Variants in LTBP1 observed in about 807,000 individuals in gnomAD.
LTBP1 encodes the protein latent transforming growth factor beta binding protein 1.
A neutral mutation model predicts 207.6 loss-of-function variants in LTBP1; 129 were observed. That is an observed-to-expected ratio of 0.62 (90% confidence interval 0.54 to 0.72). The LOEUF is 0.72. LTBP1 is among the 30% of genes least tolerant of loss of function. The probability of loss-of-function intolerance (pLI) is 0.00; values close to 1 mark genes in which losing one functional copy is unlikely to be tolerated. For synonymous variants in LTBP1, 963 were observed against 833.7 expected (o/e 1.16, Z -2.67); for missense variants, 2,281 against 2,217.2 (o/e 1.03, Z -0.58).
intron 11 of LTBP1, among the ~76,000 whole-genome samples, chr2:33,253,046 T>G (rs1311297528): frequency 6.6e-6 from 1 of 152,200 alleles, no homozygotes; most frequent in Non-Finnish European, 1.5e-5. Flanking sequence ...TTTTCCCATT[T>G]CTATGTGATA....
intron 18 of LTBP1, among the ~76,000 whole-genome samples, chr2:33,277,016 C>G (rs184321287): frequency 6.6e-5 from 10 of 152,254 alleles, no homozygotes; most frequent in African/African-American, 2.4e-4. Flanking sequence ...CCTTGGGGTT[C>G]CCTGCCTGGC....
rs116603736 is a variant in LTBP1, at chr2:33,123,294, T to A, written c.1034-11499T>A. Among the ~76,000 whole-genome samples the A allele has an allele frequency of 8.1e-3, 1,234 of 152,312 alleles. 12 individuals are homozygous for A. Among genetic ancestry groups the A allele is most frequent in the East Asian group, 0.014 (73 of 5,186 alleles). ...CAGGTCTGGGGGATTCTTGCCCACA[T>A]GGAATGGAGAATGTTCACCTTCAGT... On this transcript the variant is annotated intron_variant, in intron 4 of 33. Coordinates refer to ENST00000404816, the MANE Select transcript of LTBP1 (RefSeq NM_206943.4).
rs539725645 is a variant in LTBP1, at chr2:33,033,928, G to A, written c.863+12722G>A. 7.2e-5 allele frequency among the ~76,000 whole-genome samples: 11 copies of A among 152,208 alleles called. No individual in the cohort carries two copies. In the South Asian group the frequency reaches 1.9e-3, roughly 26 times the overall value. ...ATTTCAAAGCGCCTCAGGAGTTATC[G>A]ATGTGATGTGATGAGACTGTTTGCC... On this transcript the variant is annotated intron_variant, in intron 3 of 33. Transcript: ENST00000404816.
chr2:33,130,890 A>G (rs1380164032), intron 4 of LTBP1, among the ~76,000 whole-genome samples: 1 of 152,080 alleles, frequency 6.6e-6, no homozygotes, highest in Non-Finnish European at 1.5e-5. Context: ...GGATCTAAAA[A>G]TTGCATTTTT....
At position 33,399,476 on chromosome 2, in the gene LTBP1, T is replaced by A. The variant is rs916038535; in HGVS notation, c.*931T>A. 6.6e-6 allele frequency: 1 copy of A among 152,248 alleles called. No homozygotes were observed. The highest frequency in any genetic ancestry group is 1.5e-5 in the Non-Finnish European group (1 of 68,046). The allele number at this position is 152,248 out of a possible 1,614,324, so 9.4% of individuals were successfully genotyped here. Reference sequence around the variant, plus strand: ...TAATGTAGTGTCTTTTACAAGTTAATCATTAAATTTGTTAGATCTTGTTAT... The same window carrying A: ...TAATGTAGTGTCTTTTACAAGTTAAACATTAAATTTGTTAGATCTTGTTAT... On this transcript the variant is annotated 3_prime_UTR_variant, in exon 34 of 34. Transcript: ENST00000404816.
At chr2:33,189,036 A>G (rs1392848504) in intron 7 of LTBP1, among the ~76,000 whole-genome samples, 185 bp downstream of exon 7, 1 of 152,198 alleles carries the variant, frequency 6.6e-6, no homozygotes, top group Admixed American at 6.5e-5. Context: ...TCATTTACAT[A>G]CTGTCTATGC....
intron 2 of LTBP1, among the ~76,000 whole-genome samples, chr2:32,979,006 G>A (rs1287047698): frequency 2.6e-5 from 4 of 151,812 alleles, no homozygotes; most frequent in South Asian, 4.1e-4. Context: ...GCTCATACTA[G>A]CCTCTAATCC....
rs781694624 is a variant in LTBP1 at position 33,363,450 on chromosome 2, C to G, written c.4331C>G (p.Thr1444Ser). 4.3e-6 allele frequency: 7 copies of G among 1,613,920 alleles called. No individual in the cohort carries two copies. Among genetic ancestry groups the G allele is most frequent in the Non-Finnish European group, 5.9e-6 (7 of 1,179,842 alleles). ...EICKNGFCLN[T>S]RPGYECYCKQ... is the part of the protein sequence containing the mutation. ...TGCAAAAATGGTTTCTGTTTGAACA[C>G]TCGGCCTGGGTATGAATGCTACTGT... The change falls in exon 29 of 34, where the codon ACT (threonine) becomes AGT (serine). Residue 1444 changes from threonine (T) to serine (S), a missense_variant. Physicochemically the swap from Thr to Ser is moderately conservative, Grantham distance 58 (BLOSUM62 1). This residue lies in a region of LTBP1 where 1,671 missense variants were observed against 1,634.8 expected (regional missense o/e 1.02). Transcript: ENST00000404816.
chr2:33,379,607 G>T (rs191343437), intron 31 of LTBP1, among the ~76,000 whole-genome samples: 6 of 152,298 alleles, frequency 3.9e-5, no homozygotes, highest in Admixed American at 3.9e-4. Flanking sequence ...ATCTGATAGT[G>T]AACAGATCCA....
intron 2 of LTBP1, among the ~76,000 whole-genome samples, chr2:33,003,581 A>G (rs1338430584): frequency 6.6e-6 from 1 of 152,204 alleles, no homozygotes; most frequent in East Asian, 1.9e-4. Context: ...CATGAGGAGT[A>G]ACTGCAGGAA....
rs2087497670 is a variant in LTBP1 at position 33,188,768 on chromosome 2, C to T, written c.1618C>T (p.His540Tyr). The T allele has an allele frequency of 6.2e-7, 1 of 1,614,172 alleles. No individual in the cohort carries two copies. Among genetic ancestry groups the T allele is most frequent in the Non-Finnish European group, 8.5e-7 (1 of 1,180,030 alleles). ...KTQTIHSTYS[H>Y]QQVIPHVYPV... is the part of the protein sequence containing the mutation. Reference sequence around the variant, plus strand: ...CCAGACCATACATTCCACATACTCCCACCAGCAGGTCATTCCTCACGTCTA... The same window carrying T: ...CCAGACCATACATTCCACATACTCCTACCAGCAGGTCATTCCTCACGTCTA... The change falls in exon 7 of 34, where the codon CAC becomes TAC. Residue 540 changes from histidine to tyrosine, a missense_variant. His to Tyr is a moderately conservative substitution (Grantham distance 83). Transcript: ENST00000404816.
At chr2:33,286,627 T>C (rs1166592406) in intron 19 of LTBP1, among the ~76,000 whole-genome samples, 2 of 152,242 alleles carry the variant, frequency 1.3e-5, no homozygotes, top group African/African-American at 4.8e-5. Flanking sequence ...TATTGAGCTG[T>C]TGTCTGTGTA....
chr2:33,240,453 C>T (rs1055457512), intron 9 of LTBP1, among the ~76,000 whole-genome samples: 2 of 152,130 alleles, frequency 1.3e-5, no homozygotes, highest in African/African-American at 4.8e-5. Context: ...CTCTGACATC[C>T]TTTACTTTAA....
intron 32 of LTBP1, among the ~76,000 whole-genome samples, chr2:33,389,733 G>A (rs1436553140): frequency 3.9e-5 from 6 of 152,106 alleles, no homozygotes; most frequent in Admixed American, 2.6e-4. Flanking sequence ...TCCACCTCCC[G>A]GATTCAAGCG....
At position 33,021,200 on chromosome 2, in the gene LTBP1, A is replaced by C; in HGVS notation, c.857A>C (p.His286Pro). 6.3e-7 allele frequency: 1 copy of C among 1,587,512 alleles called. No individual in the cohort carries two copies. The highest frequency in any genetic ancestry group is 1.1e-5 in the South Asian group (1 of 87,076). Residue 286 changes from histidine (H) to proline (P), a missense_variant, in exon 3 of 34, where the codon CAT (histidine) becomes CCT (proline). By Grantham distance (77) the His-to-Pro change is moderately conservative. Transcript: ENST00000404816. The part of the protein sequence containing the change: ...KPSVGLPQQI[H>P]SQVTPLSSQS... ...TCAGTGGGACTCCCCCAGCAGATAC[A>C]TTCTCAGTGAGTGTTTCGAACTTTC...
At chr2:33,171,016 A>G (rs2085388701) in intron 5 of LTBP1, among the ~76,000 whole-genome samples, 1 of 150,496 alleles carries the variant, frequency 6.6e-6, no homozygotes, top group Non-Finnish European at 1.5e-5. Flanking sequence ...TCTGTACATC[A>G]CCATCATCAA....
intron 26 of LTBP1, among the ~76,000 whole-genome samples, chr2:33,351,503 A>G (rs949678644): frequency 2.4e-4 from 36 of 152,232 alleles, no homozygotes; most frequent in Non-Finnish European, 2.8e-4. Flanking sequence ...ATTTTTAAAA[A>G]GTCTCCTGCA....
intron 8 of LTBP1, among the ~76,000 whole-genome samples, chr2:33,219,901 G>A (rs1393095352): frequency 2.6e-5 from 4 of 151,388 alleles, no homozygotes; most frequent in African/African-American, 7.3e-5. Flanking sequence ...ACCTTTTGTC[G>A]TTTTTGTCTA....
At chr2:33,360,845 A>T (rs559604993) in intron 27 of LTBP1, 66 bp downstream of exon 27, 8 of 1,443,336 alleles carry the variant, frequency 5.5e-6, no homozygotes, top group Non-Finnish European at 7.7e-6. Flanking sequence ...GGGCCTTGAA[A>T]TGATAACACT....
Sources: gnomAD v4.1 joint callset for allele counts (sites outside exome capture counted in the v4.1 genomes callset) on GRCh38, gnomAD v4.1.1 for gene constraint, gnomAD v4.1.1 regional missense constraint, MANE v1.5 for transcripts, NCBI Gene and HGNC (gene_info 2026-07-23, HGNC 2026-07-21) for gene names.